Variants in ZNF618 observed in about 807,000 individuals in gnomAD.
ZNF618 encodes the protein neural precursor cell expressed, developmentally down-regulated 10.
In ZNF618, 34 loss-of-function variants were observed where a neutral mutation model predicts 103.0. That is an observed-to-expected ratio of 0.33 (90% CI 0.25 to 0.44). The LOEUF is 0.44. Among genes scored for constraint, ZNF618 ranks in the 20% least tolerant of loss-of-function variants. The pLI, the probability that ZNF618 is intolerant of heterozygous loss-of-function variation, is 1.00. For missense variants in ZNF618, 1,059 were observed against 1,295.4 expected, an observed-to-expected ratio of 0.82 and a Z score of 2.80; for synonymous variants, 551 against 542.2, an observed-to-expected ratio of 1.02 and a Z score of -0.23.
In ZNF618 at chr9:113,931,432, G is replaced by T. The variant is rs182027850; in HGVS notation, c.34-37685G>T. 6.6e-5 allele frequency among the ~76,000 whole-genome samples: 10 copies of T among 152,322 alleles called. No individual in the cohort carries two copies. In the East Asian group the frequency reaches 1.7e-3, roughly 26 times the overall value. On this transcript the variant is annotated intron_variant, in intron 1 of 14. Coordinates refer to ENST00000374126, the MANE Select transcript of ZNF618 (RefSeq NM_001318042.2). Reference sequence around the variant, plus strand: ...AAAGTCAGGGAGTGGAGGGCACAGAGATTTGAAGTTGTGTTGGATACCAGG... The same window carrying T: ...AAAGTCAGGGAGTGGAGGGCACAGATATTTGAAGTTGTGTTGGATACCAGG...
chr9:113,946,235 C>A (rs748565015), intron 1 of ZNF618, among the ~76,000 whole-genome samples: 2 of 152,160 alleles, frequency 1.3e-5, no homozygotes, highest in African/African-American at 4.8e-5. Context: ...GGTGTTAAAG[C>A]TTTCGGGGCT....
chr9:114,029,010 C>A, intron 11 of ZNF618, 38 bp downstream of exon 11: 1 of 1,531,312 alleles, frequency 6.5e-7, no homozygotes, highest in Non-Finnish European at 8.8e-7. Context: ...CTTTCTCCCC[C>A]ACTGCCCTTC....
chr9:113,973,278 G>A (rs1838165032), intron 2 of ZNF618, among the ~76,000 whole-genome samples: 1 of 152,150 alleles, frequency 6.6e-6, no homozygotes, highest in Non-Finnish European at 1.5e-5. Flanking sequence ...GAATGACCTT[G>A]AAGGACCCCC....
chr9:113,876,455 C>CG (rs1222139323), intron 1 of ZNF618, 42 bp downstream of exon 1: 4 of 1,183,002 alleles, frequency 3.4e-6, no homozygotes, highest in Non-Finnish European at 4.2e-6. Flanking sequence ...CGGGGGACCC[C>CG]GGGGGGCCGG....
intron 1 of ZNF618, among the ~76,000 whole-genome samples, chr9:113,886,363 G>A (rs554903970): frequency 3.2e-4 from 48 of 152,332 alleles, no homozygotes; most frequent in Middle Eastern, 6.8e-3. Flanking sequence ...AAAGTTTGCA[G>A]AGAATTTGTG....
At chr9:114,021,669 A>G (rs1290908359) in intron 10 of ZNF618, among the ~76,000 whole-genome samples, 3 of 152,116 alleles carry the variant, frequency 2.0e-5, no homozygotes, top group African/African-American at 7.2e-5. Flanking sequence ...AACGGTCACC[A>G]CAATCTAATT....
rs183379092 is a variant in ZNF618 at position 113,907,462 on chromosome 9, G to T, written c.33+31049G>T. Among the ~76,000 whole-genome samples the T allele has an allele frequency of 3.3e-4, 50 of 152,320 alleles. 1 individual carries two copies. The highest frequency in any genetic ancestry group is 7.2e-4 in the African/African-American group (30 of 41,560). On this transcript the variant is annotated intron_variant, in intron 1 of 14. Coordinates refer to ENST00000374126, the MANE Select transcript of ZNF618 (RefSeq NM_001318042.2). ...CATTCTGCCCTCCCACTTGCTGGCC[G>T]TTCACTGTTCTCTTGCCACCCCGGG...
Position 114,048,028 on chromosome 9 carries a change from T to C in ZNF618, c.1348+34T>C, listed in dbSNP as rs779727595. 9 of 1,532,548 alleles carry C rather than the reference T, an allele frequency of 5.9e-6. No homozygotes were observed. The South Asian group carries it at 8.4e-5, about 14-fold the overall frequency. 94.9% of individuals were successfully genotyped at this position (1,532,548 alleles called of 1,614,324 possible). A position where few individuals can be genotyped will look rare whatever the true frequency, so the allele number is the denominator to read the frequency against. Reference sequence around the variant, plus strand: ...CCCCAAGCAGGGCTGGACCTGAGGGTCCCCTTATGCTCCAGTTGTTCCTCT... The same window carrying C: ...CCCCAAGCAGGGCTGGACCTGAGGGCCCCCTTATGCTCCAGTTGTTCCTCT... On this transcript the variant is annotated intron_variant, in intron 14 of 14. Transcript: ENST00000374126.
At chr9:114,019,915 G>A (rs1317899246) in intron 10 of ZNF618, among the ~76,000 whole-genome samples, 1 of 152,040 alleles carries the variant, frequency 6.6e-6, no homozygotes, top group African/African-American at 2.4e-5. Context: ...GGATATCCTT[G>A]CCTACCTCAA....
rs72759047 is a variant in ZNF618, at chr9:114,055,066, C to T, written c.*4899C>T. 11,790 of 152,234 alleles carry T rather than the reference C, an allele frequency of 0.077. 526 individuals carry two copies. The highest frequency in any genetic ancestry group is 0.17 in the Middle Eastern group (51 of 294). The allele number at this position is 152,234 out of a possible 1,614,324, so 9.4% of individuals were successfully genotyped here. A position where few individuals can be genotyped will look rare whatever the true frequency, so the allele number is the denominator to read the frequency against. The stretch of plus-strand genomic sequence containing the variant: ...ACGAGGGCCCTGCCCAACCGTGCGT[C>T]CCATGGGGCACCTTGACTCTTCAAA... On this transcript the variant is annotated 3_prime_UTR_variant, in exon 15 of 15. Transcript: ENST00000374126.
At chr9:113,947,722 G>A (rs1018335451) in intron 1 of ZNF618, among the ~76,000 whole-genome samples, 3 of 152,212 alleles carry the variant, frequency 2.0e-5, no homozygotes, top group Non-Finnish European at 2.9e-5. Flanking sequence ...GGAGGCTTCC[G>A]AGCTGGTTCG....
rs201673883 is a variant in ZNF618 at position 114,047,878 on chromosome 9, C to T, written c.1247-15C>T. 2 of 1,585,162 alleles carry T rather than the reference C, an allele frequency of 1.3e-6. No homozygotes were observed. Among genetic ancestry groups the T allele is most frequent in the Non-Finnish European group, 1.7e-6 (2 of 1,165,250 alleles). On this transcript the variant is annotated splice_polypyrimidine_tract_variant and intron_variant, in intron 13 of 14. Transcript: ENST00000374126. ...TACCCTTCCAGGTAACACACTGTCCCCTTTGTGCCCACAGCTGACAATGAA... is the reference window on the plus strand; with the variant it reads ...TACCCTTCCAGGTAACACACTGTCCTCTTTGTGCCCACAGCTGACAATGAA...
At chr9:113,950,479 G>A (rs764680065) in intron 1 of ZNF618, among the ~76,000 whole-genome samples, 1 of 152,224 alleles carries the variant, frequency 6.6e-6, no homozygotes, top group Non-Finnish European at 1.5e-5. Context: ...ATGTGAGTCT[G>A]TCTTGGGGAG....
chr9:114,034,103 TC>T (rs1280924876), intron 12 of ZNF618, among the ~76,000 whole-genome samples: 2 of 152,096 alleles, frequency 1.3e-5, no homozygotes, highest in East Asian at 3.9e-4. Context: ...ATTCAGTGAG[TC>T]CCTGGCACAG....
chr9:114,022,671 A>G (rs142932397), intron 10 of ZNF618, among the ~76,000 whole-genome samples: 54 of 150,414 alleles, frequency 3.6e-4, no homozygotes, highest in African/African-American at 1.3e-3. Context: ...TGCTGTTCAA[A>G]TCTCTATACT....
At position 114,002,679 on chromosome 9, in the gene ZNF618, C is replaced by T; in HGVS notation, c.550+17C>T. 6.2e-7 allele frequency: 1 copy of T among 1,610,532 alleles called. No individual in the cohort carries two copies. The highest frequency in any genetic ancestry group is 8.5e-7 in the Non-Finnish European group (1 of 1,179,384). Reference sequence around the variant, plus strand: ...CCCAAAGCAGTGAGTACTTTTTCCTCCTCGTGGGCTGCTGAGGGGCGAGGG... The same window carrying T: ...CCCAAAGCAGTGAGTACTTTTTCCTTCTCGTGGGCTGCTGAGGGGCGAGGG... On this transcript the variant is annotated intron_variant, in intron 6 of 14. Transcript: ENST00000374126.
At chr9:113,973,604 G>C (rs1375135528) in intron 2 of ZNF618, among the ~76,000 whole-genome samples, 1 of 152,142 alleles carries the variant, frequency 6.6e-6, no homozygotes. Context: ...ATGTCGATCT[G>C]GTGTGCAGGT....
At chr9:114,004,000 C>A (rs1438170568) in intron 6 of ZNF618, among the ~76,000 whole-genome samples, 1 of 152,112 alleles carries the variant, frequency 6.6e-6, no homozygotes, top group African/African-American at 2.4e-5. Context: ...CTGTTGCTTG[C>A]CAATCCCCGT....
intron 13 of ZNF618, among the ~76,000 whole-genome samples, chr9:114,039,207 G>T (rs747561439): frequency 3.3e-5 from 5 of 152,146 alleles, no homozygotes; most frequent in Non-Finnish European, 7.3e-5. Context: ...TTCAGCCTCC[G>T]CGTTAAAGTA....
Sources: allele counts gnomAD v4.1 joint callset (sites outside exome capture counted in the v4.1 genomes callset), GRCh38; gene constraint gnomAD v4.1.1; transcripts MANE v1.5; gene names NCBI Gene and HGNC (gene_info 2026-07-23, HGNC 2026-07-21).